Variants in HCN2 observed in about 807,000 individuals in gnomAD.
The protein encoded by HCN2 is hyperpolarization activated cyclic nucleotide gated potassium and sodium channel 2, also known as potassium/sodium hyperpolarization-activated cyclic nucleotide-gated channel 2.
A neutral mutation model predicts 52.3 loss-of-function variants in HCN2; 20 were observed. The observed-to-expected ratio is 0.38, with a 90% CI of 0.27 to 0.56. The LOEUF is 0.56. Among genes scored for constraint, HCN2 ranks in the 20% least tolerant of loss-of-function variants. The probability of loss-of-function intolerance (pLI) is 0.71; values close to 1 mark genes in which losing one functional copy is unlikely to be tolerated. For synonymous variants in HCN2, 694 were observed against 537.0 expected, an observed-to-expected ratio of 1.29 and a Z score of -4.04; for missense variants, 981 against 1,207.7, an observed-to-expected ratio of 0.81 and a Z score of 2.78.
intron 1 of HCN2, among the ~76,000 whole-genome samples, chr19:598,071 G>A (rs910282790): frequency 6.6e-6 from 1 of 152,194 alleles, no homozygotes; most frequent in Non-Finnish European, 1.5e-5. Context: ...TCCACGGTGA[G>A]CCCCCTCGGG....
intron 3 of HCN2, among the ~76,000 whole-genome samples, chr19:607,103 G>A (rs761532978): frequency 2.0e-5 from 3 of 151,900 alleles, no homozygotes; most frequent in Non-Finnish European, 4.4e-5. Context: ...ACCCGGGAGC[G>A]GAGGCTGCCG....
At position 617,024 on chromosome 19, in the gene HCN2, G is replaced by T. The variant is rs977678666; in HGVS notation, c.*550G>T. On this transcript the variant is annotated 3_prime_UTR_variant, in exon 8 of 8. Transcript: ENST00000251287. ...AGGCAGGCCTGGCTGCGCAGGGCGC[G>T]GGGGGGAGGCTGGGGTCCCGCCGCC... 3 of 451,298 alleles carry T rather than the reference G, an allele frequency of 6.6e-6. No individual in the cohort carries two copies. Among genetic ancestry groups the T allele is most frequent in the African/African-American group, 2.0e-5 (1 of 49,904 alleles). The allele number at this position is 451,298 out of a possible 1,614,324, so 28.0% of individuals were successfully genotyped here.
rs984437880 is a variant in HCN2, at chr19:613,163, G to A, written c.1585-85G>A. 4.3e-5 allele frequency: 64 copies of A among 1,490,302 alleles called. 3 individuals carry two copies. The South Asian group carries it at 6.3e-4, about 15-fold the overall frequency. The allele number at this position is 1,490,302 out of a possible 1,614,324, so 92.3% of individuals were successfully genotyped here. ...CTCTCAGACGAGGAAACTGGGGTCC[G>A]AGAGGTGAGCCGGTCCCAGAGGCAG... On this transcript the variant is annotated intron_variant, in intron 5 of 7. Coordinates refer to ENST00000251287, the MANE Select transcript of HCN2 (RefSeq NM_001194.4).
At chr19:594,519 C>T (rs768142040) in intron 1 of HCN2, among the ~76,000 whole-genome samples, 1 of 152,154 alleles carries the variant, frequency 6.6e-6, no homozygotes, top group Non-Finnish European at 1.5e-5. Context: ...CTGGGGTCCC[C>T]GAGAGGACTG....
In HCN2 at chr19:616,252, G is replaced by A. The variant is rs1351593338; in HGVS notation, c.2448G>A (p.Ala816=). Residue 816 remains alanine, a synonymous_variant, in exon 8 of 8, where the codon GCG becomes GCA. Transcript: ENST00000251287. ...TGCCCGCGCGCCGCCTGAGCCGCGCGTCGCGCCCACTGTCCGCCTCGCAGC... is the reference window on the plus strand; with the variant it reads ...TGCCCGCGCGCCGCCTGAGCCGCGCATCGCGCCCACTGTCCGCCTCGCAGC... The part of the protein sequence containing the change: ...PALPARRLSR[A]SRPLSASQPS... 6 of 1,015,884 alleles carry A rather than the reference G, an allele frequency of 5.9e-6. No individual in the cohort carries two copies. Among genetic ancestry groups the A allele is most frequent in the East Asian group, 1.0e-4 (1 of 9,964 alleles). The allele number at this position is 1,015,884 out of a possible 1,614,324, so 62.9% of individuals were successfully genotyped here.
rs904345227 is a variant in HCN2 at position 591,841 on chromosome 19, C to T, written c.632+1264C>T. On this transcript the variant is annotated intron_variant, in intron 1 of 7. Transcript: ENST00000251287. The surrounding 1 kb of genome is among the most constrained non-coding windows in gnomAD (Gnocchi z 4.1). ...CCCTGGATTCTCTGCACCCCTAGTGCTTGACTGGAGAAACTGAGGCCTGGG... is the reference window on the plus strand; with the variant it reads ...CCCTGGATTCTCTGCACCCCTAGTGTTTGACTGGAGAAACTGAGGCCTGGG... 6.6e-6 allele frequency among the ~76,000 whole-genome samples: 1 copy of T among 152,194 alleles called. No homozygotes were observed. The highest frequency in any genetic ancestry group is 2.1e-4 in the South Asian group (1 of 4,832).
In HCN2 at chr19:613,596, T is replaced by C. The variant is rs1437907302; in HGVS notation, c.1825+108T>C. On this transcript the variant is annotated intron_variant, in intron 6 of 7. Coordinates refer to ENST00000251287, the MANE Select transcript of HCN2 (RefSeq NM_001194.4). ...CCGGGGCCGGGGATGGGGATGGGGA[T>C]GGGGATGGGGCCGGGGATGGGGATG... 255 of 89,034 alleles carry C rather than the reference T, an allele frequency of 2.9e-3. 15 individuals are homozygous for C. The African/African-American group carries it at 0.032, about 11-fold the overall frequency. 5.5% of individuals were successfully genotyped at this position (89,034 alleles called of 1,614,324 possible). A position where few individuals can be genotyped will look rare whatever the true frequency, so the allele number is the denominator to read the frequency against.
intron 6 of HCN2, 89 bp downstream of exon 6, chr19:613,577 CCGGGG>C (rs1600538376): frequency 1.1e-5 from 4 of 374,730 alleles, no homozygotes; most frequent in East Asian, 9.3e-5. Context: ...GGGGCCGGGG[CCGGGG>C]ATGGGGATGG....
chr19:593,352 C>T (rs1158272818), intron 1 of HCN2, among the ~76,000 whole-genome samples: 1 of 152,216 alleles, frequency 6.6e-6, no homozygotes, highest in Non-Finnish European at 1.5e-5. Context: ...TGCAGCGGCT[C>T]ACGCCTGAGA....
Position 599,317 on chromosome 19 carries a change from G to A in HCN2, c.633-4227G>A, listed in dbSNP as rs527311632. Reference sequence around the variant, plus strand: ...GTCCAGAAGCAAGGAGCCGACTTTCGGCGGCTCCTGAAACAAAGGTCCCGG... The same window carrying A: ...GTCCAGAAGCAAGGAGCCGACTTTCAGCGGCTCCTGAAACAAAGGTCCCGG... On this transcript the variant is annotated intron_variant, in intron 1 of 7. Transcript: ENST00000251287. Among the ~76,000 whole-genome samples the A allele has an allele frequency of 1.4e-3, 214 of 152,310 alleles. 2 individuals are homozygous for A. Among genetic ancestry groups the A allele is most frequent in the African/African-American group, 4.8e-3 (198 of 41,576 alleles).
intron 2 of HCN2, among the ~76,000 whole-genome samples, chr19:604,399 T>A (rs1470071118): frequency 1.0e-5 from 1 of 100,230 alleles, no homozygotes; most frequent in Non-Finnish European, 2.0e-5. Flanking sequence ...ACAGCAGGGG[T>A]GGGGCTATCA....
chr19:603,742 G>A lies in HCN2; in HGVS notation c.831G>A (p.Leu277=). 1 of 1,612,922 alleles carries A rather than the reference G, an allele frequency of 6.2e-7. No individual in the cohort carries two copies. Among genetic ancestry groups the A allele is most frequent in the Non-Finnish European group, 8.5e-7 (1 of 1,179,806 alleles). Residue 277 remains leucine (L), a synonymous_variant, in exon 2 of 8, where the codon CTG becomes CTA. Coordinates refer to ENST00000251287, the MANE Select transcript of HCN2 (RefSeq NM_001194.4). ...IVIEDNTEII[L]DPEKIKKKYL... is the part of the protein sequence containing the mutation. ...TCGAGGACAACACGGAGATCATCCT[G>A]GACCCCGAGAAGATCAAGAAGAAGT...
Position 590,400 on chromosome 19 carries a change from CG to C in HCN2, c.460del (p.Glu154SerfsTer108). The stretch of plus-strand genomic sequence containing the variant: ...GCGGGCAGCGAGGAGGCGGGCCCGG[CG>C]GGGGAGCCGCGCGGCAGCCAGGCCA... ...EEAGSEEAGPAGEPRGSQASF... is the reference protein window; with the variant it reads ...EEAGSEEAGPXGEPRGSQASF... On this transcript the variant is annotated frameshift_variant, in exon 1 of 8. Coordinates refer to ENST00000251287, the MANE Select transcript of HCN2 (RefSeq NM_001194.4). LOFTEE classifies it high-confidence loss of function. The surrounding 1 kb of genome is among the most constrained non-coding windows in gnomAD (Gnocchi z 7.2). The C allele has an allele frequency of 7.6e-7, 1 of 1,320,802 alleles. No homozygotes were observed. The highest frequency in any genetic ancestry group is 9.8e-7 in the Non-Finnish European group (1 of 1,023,996). The allele number at this position is 1,320,802 out of a possible 1,614,324, so 81.8% of individuals were successfully genotyped here.
intron 7 of HCN2, 25 bp from the exon 8 acceptor site, chr19:615,770 C>T (rs56037529): frequency 0.023 from 36,943 of 1,608,824 alleles, 526 homozygotes; most frequent in African/African-American, 0.047. Flanking sequence ...TCCCTGTGCA[C>T]ACGCTAACGC....
Position 617,061 on chromosome 19 carries a change from A to T in HCN2, c.*587A>T. ...GGGGTCCCGCCGCCGTGATGAATGT[A>T]CTGACGAGCCGAGGCAGCAGTGCCC... On this transcript the variant is annotated 3_prime_UTR_variant, in exon 8 of 8. Coordinates refer to ENST00000251287, the MANE Select transcript of HCN2 (RefSeq NM_001194.4). 1 of 567,224 alleles carries T rather than the reference A, an allele frequency of 1.8e-6. No homozygotes were observed. The highest frequency in any genetic ancestry group is 3.2e-6 in the Non-Finnish European group (1 of 314,718). 35.1% of individuals were successfully genotyped at this position (567,224 alleles called of 1,614,324 possible).
rs1445857081 is a variant in HCN2, at chr19:616,322, C to G, written c.2518C>G (p.Pro840Ala). 8.5e-7 allele frequency: 1 copy of G among 1,170,608 alleles called. No individual in the cohort carries two copies. The allele number at this position is 1,170,608 out of a possible 1,614,324, so 72.5% of individuals were successfully genotyped here. A position where few individuals can be genotyped will look rare whatever the true frequency, so the allele number is the denominator to read the frequency against. Residue 840 changes from proline (P) to alanine (A), a missense_variant, in exon 8 of 8, where the codon CCG (proline) becomes GCG (alanine). Physicochemically the swap from Pro to Ala is conservative, Grantham distance 27. Coordinates refer to ENST00000251287, the MANE Select transcript of HCN2 (RefSeq NM_001194.4). ...GAPGPAASTR[P>A]ASSSTPRLGP... ...CCCCGGCCCCGCGGCCTCCACACGC[C>G]CGGCCAGCAGCTCCACACCGCGCTT...
Position 602,052 on chromosome 19 carries a change from C to T in HCN2, c.633-1492C>T, listed in dbSNP as rs139537117. ...TCGGCCTCCCCTGTGGCGCCAGCCC[C>T]GTCTCTGCTTGGCTTCCCTCCCTCC... On this transcript the variant is annotated intron_variant, in intron 1 of 7. Coordinates refer to ENST00000251287, the MANE Select transcript of HCN2 (RefSeq NM_001194.4). 8.1e-3 allele frequency among the ~76,000 whole-genome samples: 1,235 copies of T among 151,792 alleles called. 7 individuals are homozygous for T. Among genetic ancestry groups the T allele is most frequent in the Non-Finnish European group, 0.013 (905 of 67,936 alleles).
chr19:594,032 G>C (rs144181516), intron 1 of HCN2, among the ~76,000 whole-genome samples: 1 of 152,128 alleles, frequency 6.6e-6, no homozygotes, highest in African/African-American at 2.4e-5. Context: ...AGCCTGAGTC[G>C]TGCAAAGGAG....
chr19:617,009 G>C lies in HCN2; in HGVS notation c.*535G>C, dbSNP rs1413679261. The C allele has an allele frequency of 4.0e-6, 2 of 496,344 alleles. No homozygotes were observed. The highest frequency in any genetic ancestry group is 3.9e-5 in the African/African-American group (2 of 51,610). 30.7% of individuals were successfully genotyped at this position (496,344 alleles called of 1,614,324 possible). On this transcript the variant is annotated 3_prime_UTR_variant, in exon 8 of 8. Coordinates refer to ENST00000251287, the MANE Select transcript of HCN2 (RefSeq NM_001194.4). ...AGCACTGGCACCGAGAGGCAGGCCT[G>C]GCTGCGCAGGGCGCGGGGGGGAGGC...
Sources: gnomAD v4.1 joint callset for allele counts (sites outside exome capture counted in the v4.1 genomes callset) on GRCh38, gnomAD v4.1.1 for gene constraint, Gnocchi (gnomAD v3.1) non-coding constraint, MANE v1.5 for transcripts, NCBI Gene and HGNC (gene_info 2026-07-23, HGNC 2026-07-21) for gene names.